The following MEAK7 variants were observed in gnomAD, a reference collection of about 807,000 sequenced individuals.
MEAK7 encodes the protein MTOR associated protein MEAK7.
MEAK7 carries 68 observed loss-of-function variants against 40.5 expected under a neutral mutation model. That is an observed-to-expected ratio of 1.68 (90% CI 1.38 to 2.06). The LOEUF (loss-of-function observed/expected upper bound fraction) is 2.06. Ranked by LOEUF, MEAK7 falls within the 30% of genes most tolerant of loss-of-function variation. The pLI is 0.00. For missense variants in MEAK7, 918 were observed against 580.5 expected (o/e 1.58, Z -5.98); for synonymous variants, 338 against 231.9 (o/e 1.46, Z -4.16).
intron 5 of MEAK7, among the ~76,000 whole-genome samples, chr16:84,483,358 G>A (rs561849780): frequency 3.9e-4 from 60 of 152,356 alleles, no homozygotes; most frequent in South Asian, 2.7e-3. Flanking sequence ...GGACAGGGCC[G>A]TAGGCCAGGC....
At chr16:84,494,590 G>C (rs920465421) in intron 3 of MEAK7, 2 of 256,892 alleles carry the variant, frequency 7.8e-6, no homozygotes, top group African/African-American at 2.3e-5. Context: ...CTGATATATG[G>C]ACTTCAGAGT....
intron 5 of MEAK7, 78 bp from the exon 6 acceptor site, chr16:84,482,788 G>A (rs1278524248): frequency 1.3e-6 from 2 of 1,579,144 alleles, no homozygotes; most frequent in Admixed American, 1.8e-5. Flanking sequence ...CCGGTAAGCT[G>A]CAGCTCAGGA....
At chr16:84,491,525 C>T (rs1281194471) in intron 3 of MEAK7, among the ~76,000 whole-genome samples, 4 of 128,568 alleles carry the variant, frequency 3.1e-5, no homozygotes, top group Non-Finnish European at 6.4e-5. Flanking sequence ...GGCAACGGAG[C>T]GAGACCCTGT....
chr16:84,497,281 C>A (rs1914128816), intron 2 of MEAK7: 3 of 596,678 alleles, frequency 5.0e-6, no homozygotes, highest in Admixed American at 7.4e-5. Context: ...GCACTCAAAC[C>A]TGCAGCTGAG....
At chr16:84,494,563 AT>A (rs1913887701) in intron 3 of MEAK7, among the ~76,000 whole-genome samples, 1 of 152,046 alleles carries the variant, frequency 6.6e-6, no homozygotes, top group African/African-American at 2.4e-5. Flanking sequence ...ATACAGAACC[AT>A]TTTCGTACCT....
rs1447737436 is a variant in MEAK7 at position 84,480,587 on chromosome 16, T to G, written c.1199A>C (p.Asn400Thr). The G allele has an allele frequency of 6.2e-7, 1 of 1,613,918 alleles. No homozygotes were observed. The highest frequency in any genetic ancestry group is 8.5e-7 in the Non-Finnish European group (1 of 1,179,970). Residue 400 changes from asparagine to threonine, a missense_variant, in exon 7 of 8, where the codon AAC (asparagine) becomes ACC (threonine). Physicochemically the swap from Asn to Thr is moderately conservative, Grantham distance 65 (BLOSUM62 0). Transcript: ENST00000343629. Reference protein sequence around the residue: ...YNSPQLSAQENFQFDKMEVWA... With the variant: ...YNSPQLSAQETFQFDKMEVWA... The stretch of plus-strand genomic sequence containing the variant: ...CACCTCCATCTTATCAAACTGGAAG[T>G]TCTCCTGAGCCGACAGCTGCGGGCT...
At chr16:84,499,828 G>A (rs752592731) in intron 1 of MEAK7, 2 of 152,262 alleles carry the variant, frequency 1.3e-5, no homozygotes, top group Non-Finnish European at 2.9e-5. Context: ...CTCGAGCCCA[G>A]GAGTTTGAGA....
At chr16:84,493,059 G>T (rs767869328) in intron 3 of MEAK7, among the ~76,000 whole-genome samples, 16 of 152,256 alleles carry the variant, frequency 1.1e-4, no homozygotes, top group South Asian at 6.2e-4. Flanking sequence ...ATATGAAATG[G>T]TGTTTAACCA....
chr16:84,480,544 G>T lies in MEAK7; in HGVS notation c.1242C>A (p.Pro414=), dbSNP rs765983409. The T allele has an allele frequency of 4.3e-6, 7 of 1,611,440 alleles. No individual in the cohort carries two copies. The highest frequency in any genetic ancestry group is 5.9e-6 in the Non-Finnish European group (7 of 1,178,920). The change falls in exon 7 of 8, where the codon CCC becomes CCA. Residue 414 remains proline (P), a synonymous_variant. Coordinates refer to ENST00000343629, the MANE Select transcript of MEAK7 (RefSeq NM_020947.4). The part of the protein sequence containing the change: ...DKMEVWAVGD[P]SEEQLAKGNK... ...CTCCACTCACCAACTGCTCCTCTGA[G>T]GGGTCTCCAACCGCCCACACCTCCA... is the stretch of plus-strand genomic sequence containing the variant.
rs1555510819 is a variant in MEAK7 at position 84,477,622 on chromosome 16, T to TAA, written c.*2290_*2291insTT. ...TTCCTCCTAGCACTTTCTAGGGCCC[T>TAA]GATAAGTCTTCATTTGTAGGGAGAC... On this transcript the variant is annotated 3_prime_UTR_variant, in exon 8 of 8. Transcript: ENST00000343629. 1 of 148,346 alleles carries TAA rather than the reference T, an allele frequency of 6.7e-6. No individual in the cohort carries two copies. The highest frequency in any genetic ancestry group is 1.5e-5 in the Non-Finnish European group (1 of 67,230). The allele number at this position is 148,346 out of a possible 1,614,324, so 9.2% of individuals were successfully genotyped here.
intron 1 of MEAK7, among the ~76,000 whole-genome samples, chr16:84,502,166 C>CGCTGGT (rs1374217112): frequency 6.6e-6 from 1 of 151,654 alleles, no homozygotes; most frequent in Non-Finnish European, 1.5e-5. Flanking sequence ...AGACAATGCA[C>CGCTGGT]GCTGGTGCTG....
At chr16:84,503,935 G>C in intron 1 of MEAK7, 1 of 985,542 alleles carries the variant, frequency 1.0e-6, no homozygotes, top group Non-Finnish European at 1.2e-6. Context: ...CATCCCTAGA[G>C]CCACACAAGG....
intron 3 of MEAK7, among the ~76,000 whole-genome samples, chr16:84,491,320 T>C (rs942217518): frequency 1.3e-5 from 2 of 151,608 alleles, no homozygotes; most frequent in African/African-American, 4.8e-5. Context: ...GGCAGATCAT[T>C]TGAGGTTAGG....
At chr16:84,493,365 T>C (rs775093974) in intron 3 of MEAK7, among the ~76,000 whole-genome samples, 10 of 152,330 alleles carry the variant, frequency 6.6e-5, no homozygotes, top group Non-Finnish European at 8.8e-5. Context: ...ACTTCAGAGA[T>C]TGTGCTGTTG....
chr16:84,493,827 T>C (rs899546931), intron 3 of MEAK7, among the ~76,000 whole-genome samples: 1 of 152,194 alleles, frequency 6.6e-6, no homozygotes, highest in Admixed American at 6.5e-5. Flanking sequence ...AGCTGACCTG[T>C]AGAGCTGATA....
chr16:84,493,962 T>G (rs1033595182), intron 3 of MEAK7, among the ~76,000 whole-genome samples: 2 of 152,180 alleles, frequency 1.3e-5, no homozygotes, highest in African/African-American at 4.8e-5. Flanking sequence ...AGAGAGGAAT[T>G]CACCCAAGTC....
intron 6 of MEAK7, among the ~76,000 whole-genome samples, chr16:84,481,977 G>A (rs1402672704): frequency 6.6e-6 from 1 of 152,110 alleles, no homozygotes; most frequent in Non-Finnish European, 1.5e-5. Flanking sequence ...AAGCAGCAGA[G>A]GAAAGAAATC....
intron 3 of MEAK7, among the ~76,000 whole-genome samples, chr16:84,494,038 T>TA (rs1206843705): frequency 2.0e-5 from 3 of 152,034 alleles, no homozygotes. Flanking sequence ...AGGTCTAATC[T>TA]AAAAAAATGA....
rs149378530 is a variant in MEAK7, at chr16:84,480,608, G to A, written c.1178C>T (p.Pro393Leu). The A allele has an allele frequency of 1.9e-5, 30 of 1,613,954 alleles. No individual in the cohort carries two copies. Among genetic ancestry groups the A allele is most frequent in the African/African-American group, 8.0e-5 (6 of 74,986 alleles). ...GAAGTTCTCCTGAGCCGACAGCTGC[G>A]GGCTGTTGTACGTGGTGCACGTGGG... Reference protein sequence around the residue: ...AKPTCTTYNSPQLSAQENFQF... With the variant: ...AKPTCTTYNSLQLSAQENFQF... Residue 393 changes from proline to leucine, a missense_variant, in exon 7 of 8, where the codon CCG (proline) becomes CTG (leucine). By Grantham distance (98) the Pro-to-Leu change is moderately conservative. Transcript: ENST00000343629.
Sources: allele counts gnomAD v4.1 joint callset (sites outside exome capture counted in the v4.1 genomes callset), GRCh38; gene constraint gnomAD v4.1.1; transcripts MANE v1.5; gene names NCBI Gene and HGNC (gene_info 2026-07-23, HGNC 2026-07-21).